Variants in IPO11 observed in about 807,000 individuals in gnomAD.
IPO11 encodes importin 11.
Under a neutral mutation model 143.2 loss-of-function variants are expected in IPO11, and 66 were observed. That is an observed-to-expected ratio of 0.46 (90% CI 0.38 to 0.57). The LOEUF is 0.57. Ranked by LOEUF, IPO11 falls within the 20% of genes least tolerant of loss-of-function variation. The probability of loss-of-function intolerance (pLI) is 0.00; values close to 1 mark genes in which losing one functional copy is unlikely to be tolerated. For missense variants in IPO11, 1,026 were observed against 1,141.0 expected (o/e 0.90, Z 1.45); for synonymous variants, 385 against 377.8 (o/e 1.02, Z -0.22).
chr5:62,488,407 A>G (rs1247273460), intron 13 of IPO11, among the ~76,000 whole-genome samples: 4 of 152,202 alleles, frequency 2.6e-5, no homozygotes, highest in African/African-American at 9.7e-5. Context: ...AGTGCTGGGC[A>G]TATTCAGTAA....
intron 19 of IPO11, among the ~76,000 whole-genome samples, chr5:62,510,707 A>G (rs553888233): frequency 4.6e-5 from 7 of 151,762 alleles, no homozygotes; most frequent in African/African-American, 9.7e-5. Context: ...CCTTCCTTTT[A>G]TATCTTTCAC....
intron 20 of IPO11, among the ~76,000 whole-genome samples, chr5:62,517,321 A>G (rs772317667): frequency 1.3e-5 from 2 of 152,230 alleles, no homozygotes; most frequent in Non-Finnish European, 2.9e-5. Context: ...GAAGGTTACT[A>G]TCTTGTGAAT....
At chr5:62,588,332 T>G (rs1225898738) in intron 27 of IPO11, among the ~76,000 whole-genome samples, 1 of 151,840 alleles carries the variant, frequency 6.6e-6, no homozygotes, top group Non-Finnish European at 1.5e-5. Context: ...CCTCAAGCGA[T>G]CATCTTTATA....
intron 27 of IPO11, among the ~76,000 whole-genome samples, chr5:62,586,350 A>C (rs749267098): frequency 6.6e-6 from 1 of 152,130 alleles, no homozygotes; most frequent in South Asian, 2.1e-4. Context: ...TTATCAGTCA[A>C]AATTCCCTTT....
At chr5:62,530,395 T>C (rs1483828310) in intron 21 of IPO11, among the ~76,000 whole-genome samples, 1 of 152,196 alleles carries the variant, frequency 6.6e-6, no homozygotes, top group Non-Finnish European at 1.5e-5. Context: ...GAATACTGTA[T>C]TTTTAATCTT....
At chr5:62,466,806 C>A (rs1352282656) in intron 5 of IPO11, among the ~76,000 whole-genome samples, 1 of 152,112 alleles carries the variant, frequency 6.6e-6, no homozygotes, top group Non-Finnish European at 1.5e-5. Context: ...ACTGAGATTG[C>A]AACCTATTAG....
intron 1 of IPO11, among the ~76,000 whole-genome samples, chr5:62,435,042 G>GTATA (rs1388105348): frequency 8.2e-6 from 1 of 122,080 alleles, no homozygotes; most frequent in Non-Finnish European, 1.7e-5. Context: ...AAATATATAT[G>GTATA]TATATGTGTA....
chr5:62,507,393 TG>T (rs1016817661), intron 19 of IPO11, among the ~76,000 whole-genome samples: 2 of 152,222 alleles, frequency 1.3e-5, no homozygotes, highest in African/African-American at 4.8e-5. Flanking sequence ...CATTTGATGG[TG>T]TTTTTTTCAA....
chr5:62,569,069 A>G (rs1317293256), intron 27 of IPO11, among the ~76,000 whole-genome samples: 3 of 151,084 alleles, frequency 2.0e-5, no homozygotes, highest in Non-Finnish European at 3.0e-5. Context: ...CTTCCCTCAT[A>G]TGGAAGGAAT....
At chr5:62,427,245 ATTTCT>A (rs1405140409) in intron 1 of IPO11, among the ~76,000 whole-genome samples, 1 of 151,870 alleles carries the variant, frequency 6.6e-6, no homozygotes, top group Non-Finnish European at 1.5e-5. Context: ...CTCCAGATGC[ATTTCT>A]AACAAGCAGG....
chr5:62,446,725 T>C (rs1250936257), intron 3 of IPO11, among the ~76,000 whole-genome samples: 1 of 152,198 alleles, frequency 6.6e-6, no homozygotes, highest in Non-Finnish European at 1.5e-5. Context: ...TCCCAGCACC[T>C]TGGGAGGCCG....
intron 7 of IPO11, among the ~76,000 whole-genome samples, chr5:62,473,668 G>A (rs893997990): frequency 6.6e-6 from 1 of 152,094 alleles, no homozygotes; most frequent in African/African-American, 2.4e-5. Context: ...AATTGAGTGT[G>A]TGACATCTTT....
intron 16 of IPO11, among the ~76,000 whole-genome samples, chr5:62,502,035 A>G (rs903772633): frequency 7.2e-5 from 11 of 152,166 alleles, no homozygotes; most frequent in African/African-American, 2.4e-4. Context: ...TGTCTTGATA[A>G]GATGCATTCG....
intron 5 of IPO11, among the ~76,000 whole-genome samples, chr5:62,457,301 A>C (rs1745196553): frequency 6.6e-6 from 1 of 152,016 alleles, no homozygotes. Flanking sequence ...TAGTCTAGGC[A>C]ACATAGTGAG....
intron 16 of IPO11, among the ~76,000 whole-genome samples, chr5:62,503,466 T>G (rs899869871): frequency 1.3e-5 from 2 of 151,008 alleles, no homozygotes; most frequent in African/African-American, 4.9e-5. Context: ...TTAATATCTA[T>G]TCCTCTCCTC....
At chr5:62,414,488 G>A (rs1197300748) in intron 1 of IPO11, among the ~76,000 whole-genome samples, 1 of 152,158 alleles carries the variant, frequency 6.6e-6, no homozygotes, top group Non-Finnish European at 1.5e-5. Context: ...AATAGGGACT[G>A]TTAATTTCAG....
chr5:62,598,024 C>T lies in IPO11; in HGVS notation c.2679-3740C>T, dbSNP rs532249680. ...CTAGGCATTACAGTTCATGACAATG[C>T]CACTGACAGATAAGTAATCTTCTTC... is the stretch of plus-strand genomic sequence containing the variant. On this transcript the variant is annotated intron_variant, in intron 28 of 29. Transcript: ENST00000325324. Among the ~76,000 whole-genome samples the T allele has an allele frequency of 1.6e-4, 25 of 152,266 alleles. No individual in the cohort carries two copies. The East Asian group carries it at 4.6e-3, about 28-fold the overall frequency.
intron 27 of IPO11, among the ~76,000 whole-genome samples, chr5:62,589,222 G>C (rs190141244): frequency 6.6e-6 from 1 of 152,056 alleles, no homozygotes; most frequent in Admixed American, 6.6e-5. Context: ...ACTCCCTCTA[G>C]TTATTACCCT....
chr5:62,430,214 G>A (rs2112114460), intron 1 of IPO11, among the ~76,000 whole-genome samples: 1 of 152,240 alleles, frequency 6.6e-6, no homozygotes, highest in Middle Eastern at 3.4e-3. Context: ...GAATTGCTAT[G>A]TTATATGTTA....
Sources: gnomAD v4.1 joint callset for allele counts (sites outside exome capture counted in the v4.1 genomes callset) on GRCh38, gnomAD v4.1.1 for gene constraint, MANE v1.5 for transcripts, NCBI Gene and HGNC (gene_info 2026-07-23, HGNC 2026-07-21) for gene names.